Variants in ADORA1 observed in about 807,000 individuals in gnomAD.
The protein encoded by ADORA1 is adenosine A1 receptor.
A neutral mutation model predicts 19.9 loss-of-function variants in ADORA1; 6 were observed. That is an observed-to-expected ratio of 0.30 (90% CI 0.17 to 0.59). The LOEUF (loss-of-function observed/expected upper bound fraction) is 0.59. ADORA1 is among the 20% of genes least tolerant of loss of function. The pLI is 0.87. For missense variants in ADORA1, 302 were observed against 439.2 expected, an observed-to-expected ratio of 0.69 and a Z score of 2.79; for synonymous variants, 194 against 188.4, an observed-to-expected ratio of 1.03 and a Z score of -0.24.
Position 203,152,365 on chromosome 1 carries a change from C to T in ADORA1, c.342-12896C>T, listed in dbSNP as rs139746718. 5.4e-3 allele frequency among the ~76,000 whole-genome samples: 821 copies of T among 152,340 alleles called. 12 individuals carry two copies. The highest frequency in any genetic ancestry group is 0.018 in the African/African-American group (768 of 41,588). The stretch of plus-strand genomic sequence containing the variant: ...CCTCCCCATGTGCCAGCTGGGCTGG[C>T]GGATTCTCTGCTGTTCTCCTAAGAG... On this transcript the variant is annotated intron_variant, in intron 3 of 3. Transcript: ENST00000337894.
chr1:203,142,568 A>G (rs1654728750), intron 3 of ADORA1, among the ~76,000 whole-genome samples: 1 of 152,204 alleles, frequency 6.6e-6, no homozygotes, highest in Admixed American at 6.5e-5. Context: ...CTAAGAGTTT[A>G]GAGGGTGGGG....
intron 3 of ADORA1, among the ~76,000 whole-genome samples, chr1:203,161,074 A>G (rs1655350376): frequency 6.6e-6 from 1 of 151,604 alleles, no homozygotes; most frequent in Non-Finnish European, 1.5e-5. Context: ...CCATACTGAC[A>G]CTCTTGCAGC....
chr1:203,146,854 G>A (rs1219606834), intron 3 of ADORA1, among the ~76,000 whole-genome samples: 1 of 152,218 alleles, frequency 6.6e-6, no homozygotes, highest in Non-Finnish European at 1.5e-5. Flanking sequence ...CTCAGGAGGT[G>A]TTGCTAGCAT....
chr1:203,157,898 G>A (rs946219518), intron 3 of ADORA1, among the ~76,000 whole-genome samples: 2 of 152,204 alleles, frequency 1.3e-5, no homozygotes, highest in Admixed American at 6.5e-5. Flanking sequence ...GGTCCTGCCT[G>A]GTGTCTCTGG....
chr1:203,138,169 G>T (rs1654570599), intron 3 of ADORA1, among the ~76,000 whole-genome samples: 2 of 152,224 alleles, frequency 1.3e-5, no homozygotes, highest in Non-Finnish European at 2.9e-5. Flanking sequence ...GGAGGATGCA[G>T]TTGGCATCAT....
chr1:203,165,750 G>T lies in ADORA1; in HGVS notation c.831G>T (p.Thr277=), dbSNP rs200703683. 10 of 1,613,584 alleles carry T rather than the reference G, an allele frequency of 6.2e-6. No individual in the cohort carries two copies. Among genetic ancestry groups the T allele is most frequent in the Admixed American group, 1.7e-5 (1 of 59,972 alleles). ...SILTYIAIFL[T]HGNSAMNPIV... ...TTACCTACATTGCCATCTTCCTCAC[G>T]CACGGCAACTCGGCCATGAACCCCA... is the stretch of plus-strand genomic sequence containing the variant. Residue 277 remains threonine, a synonymous_variant, in exon 4 of 4, where the codon ACG becomes ACT. Coordinates refer to ENST00000337894, the MANE Select transcript of ADORA1 (RefSeq NM_000674.3). The surrounding 1 kb of genome is among the most constrained non-coding windows in gnomAD (Gnocchi z 5.9).
intron 3 of ADORA1, among the ~76,000 whole-genome samples, chr1:203,136,371 C>G (rs1036477085): frequency 5.9e-5 from 9 of 152,092 alleles, no homozygotes; most frequent in African/African-American, 2.2e-4. Flanking sequence ...CATGGGGGTA[C>G]CTTCTCCTGC....
chr1:203,154,436 G>C (rs971900533), intron 3 of ADORA1, among the ~76,000 whole-genome samples: 3 of 152,300 alleles, frequency 2.0e-5, no homozygotes, highest in African/African-American at 7.2e-5. Flanking sequence ...AAGCAGCCGA[G>C]ACACAAACAG....
intron 3 of ADORA1, among the ~76,000 whole-genome samples, chr1:203,153,123 A>C (rs1337154505): frequency 6.6e-6 from 1 of 152,016 alleles, no homozygotes. Flanking sequence ...CTCTGCAGGC[A>C]CACAGGTCTG....
In ADORA1 at chr1:203,128,262, T is replaced by C. The variant is rs761937437; in HGVS notation, c.-212-16T>C. 5.0e-6 allele frequency: 6 copies of C among 1,201,664 alleles called. No homozygotes were observed. The highest frequency in any genetic ancestry group is 6.5e-6 in the Non-Finnish European group (6 of 916,476). 74.4% of individuals were successfully genotyped at this position (1,201,664 alleles called of 1,614,324 possible). A position where few individuals can be genotyped will look rare whatever the true frequency, so the allele number is the denominator to read the frequency against. On this transcript the variant is annotated splice_polypyrimidine_tract_variant and intron_variant, in intron 1 of 3. Coordinates refer to ENST00000337894, the MANE Select transcript of ADORA1 (RefSeq NM_000674.3). The surrounding 1 kb of genome is among the most constrained non-coding windows in gnomAD (Gnocchi z 5.9). The stretch of plus-strand genomic sequence containing the variant: ...CCGGGGCTGAGTCTCTGCCGTACCA[T>C]GTGATTGCTTGAAAGGCCGGGCTGG...
chr1:203,163,307 C>G (rs1655429167), intron 3 of ADORA1, among the ~76,000 whole-genome samples: 1 of 152,186 alleles, frequency 6.6e-6, no homozygotes, highest in Admixed American at 6.5e-5. Context: ...AAGTAGGTCT[C>G]TTTTACAGAG....
intron 3 of ADORA1, among the ~76,000 whole-genome samples, chr1:203,160,580 A>G (rs546736601): frequency 6.6e-6 from 1 of 152,328 alleles, no homozygotes; most frequent in East Asian, 1.9e-4. Flanking sequence ...TGGGAGGCCA[A>G]AGCAGGAGGA....
intron 3 of ADORA1, among the ~76,000 whole-genome samples, chr1:203,163,057 A>T (rs1366025359): frequency 6.6e-6 from 1 of 152,190 alleles, no homozygotes; most frequent in Non-Finnish European, 1.5e-5. Flanking sequence ...TTTTTCCACC[A>T]TATCTGAGAG....
At position 203,129,114 on chromosome 1, in the gene ADORA1, C is replaced by T. The variant is rs1654250118; in HGVS notation, c.273C>T (p.Thr91=). 1 of 1,614,068 alleles carries T rather than the reference C, an allele frequency of 6.2e-7. No homozygotes were observed. Reference sequence around the variant, plus strand: ...TTGCCTGTCCGGTCCTCATCCTCACCCAGAGCTCCATCCTGGCCCTGCTGG... The same window carrying T: ...TTGCCTGTCCGGTCCTCATCCTCACTCAGAGCTCCATCCTGGCCCTGCTGG... ...LMVACPVLIL[T]QSSILALLAI... Residue 91 remains threonine (T), a synonymous_variant, in exon 3 of 4, where the codon ACC becomes ACT. Transcript: ENST00000337894.
At chr1:203,154,912 C>T (rs751826567) in intron 3 of ADORA1, among the ~76,000 whole-genome samples, 5 of 152,104 alleles carry the variant, frequency 3.3e-5, no homozygotes, top group African/African-American at 9.7e-5. Context: ...TTATGTAGGA[C>T]GTCTATGCCC....
intron 3 of ADORA1, among the ~76,000 whole-genome samples, chr1:203,131,179 C>T (rs1166741613): frequency 6.6e-6 from 1 of 152,140 alleles, no homozygotes; most frequent in Non-Finnish European, 1.5e-5. Context: ...ACATATGGCT[C>T]AAGTGTGGCT....
At chr1:203,158,137 G>A (rs1372369070) in intron 3 of ADORA1, among the ~76,000 whole-genome samples, 3 of 152,074 alleles carry the variant, frequency 2.0e-5, no homozygotes, top group Non-Finnish European at 2.9e-5. Context: ...CTTCCCTTTC[G>A]ATGATAAGTT....
At chr1:203,143,604 C>A (rs1654767547) in intron 3 of ADORA1, among the ~76,000 whole-genome samples, 2 of 151,832 alleles carry the variant, frequency 1.3e-5, no homozygotes, top group Admixed American at 1.3e-4. Context: ...ATTTGTAAGT[C>A]AAAAAATAAT....
rs920762648 is a variant in ADORA1 at position 203,165,761 on chromosome 1, C to T, written c.842C>T (p.Ser281Leu). ...GCCATCTTCCTCACGCACGGCAACT[C>T]GGCCATGAACCCCATTGTCTATGCC... ...YIAIFLTHGN[S>L]AMNPIVYAFR... Residue 281 changes from serine to leucine, a missense_variant, in exon 4 of 4, where the codon TCG becomes TTG. Physicochemically the swap from Ser to Leu is moderately radical, Grantham distance 145. Coordinates refer to ENST00000337894, the MANE Select transcript of ADORA1 (RefSeq NM_000674.3). This position sits in a 1 kb window ranked among gnomAD's most constrained non-coding sequence, Gnocchi z 5.9. The T allele has an allele frequency of 6.2e-7, 1 of 1,613,826 alleles. No homozygotes were observed. Among genetic ancestry groups the T allele is most frequent in the Non-Finnish European group, 8.5e-7 (1 of 1,179,864 alleles).
Sources: gnomAD v4.1 joint callset for allele counts (sites outside exome capture counted in the v4.1 genomes callset) on GRCh38, gnomAD v4.1.1 for gene constraint, Gnocchi (gnomAD v3.1) non-coding constraint, MANE v1.5 for transcripts, NCBI Gene and HGNC (gene_info 2026-07-23, HGNC 2026-07-21) for gene names.